Variants in REPS2 observed in about 807,000 individuals in gnomAD.
REPS2 encodes RALBP1 associated Eps domain containing 2.
In REPS2, 23 loss-of-function variants were observed where a neutral mutation model predicts 53.6. The observed-to-expected ratio is 0.43, with a 90% CI of 0.31 to 0.61. The LOEUF (loss-of-function observed/expected upper bound fraction) is 0.61, where lower values mean the gene tolerates loss of function less well. Ranked by LOEUF, REPS2 falls within the 20% of genes least tolerant of loss-of-function variation. The probability of loss-of-function intolerance (pLI) is 0.11; values close to 1 mark genes in which losing one functional copy is unlikely to be tolerated. For synonymous variants in REPS2, 238 were observed against 218.6 expected, an observed-to-expected ratio of 1.09 and a Z score of -0.78; for missense variants, 446 against 534.9, an observed-to-expected ratio of 0.83 and a Z score of 1.64.
the REPS2 span, among the ~76,000 whole-genome samples, chrX:17,186,702 G>A: frequency 8.9e-6 from 1 of 112,037 alleles, no homozygotes; most frequent in East Asian, 2.8e-4. Flanking sequence ...TGGAAACACA[G>A]AAGCACAGGG....
chrX:17,032,075 C>T (rs1043734792), intron 5 of REPS2, among the ~76,000 whole-genome samples: 3 of 111,679 alleles, frequency 2.7e-5, no homozygotes, highest in Non-Finnish European at 3.8e-5. Flanking sequence ...AGATGAAATA[C>T]TGGCACTGGG....
chrX:17,076,005 T>C (rs2062376224), intron 12 of REPS2, among the ~76,000 whole-genome samples: 1 of 112,029 alleles, frequency 8.9e-6, no homozygotes, highest in African/African-American at 3.3e-5. Context: ...CTGCCTTGCC[T>C]GTCTTGCCAG....
the REPS2 span, among the ~76,000 whole-genome samples, chrX:17,186,644 T>A: frequency 8.9e-6 from 1 of 112,135 alleles, no homozygotes; most frequent in African/African-American, 3.2e-5. Flanking sequence ...TTTTATTTAA[T>A]CCCCACCATA....
intron 6 of REPS2, among the ~76,000 whole-genome samples, chrX:17,050,048 G>T (rs928642835): frequency 1.9e-5 from 2 of 106,237 alleles, no homozygotes; most frequent in African/African-American, 6.9e-5. Flanking sequence ...TCCATTCATG[G>T]TAAGGGACCT....
intron 14 of REPS2, 47 bp from the exon 15 acceptor site, chrX:17,133,777 T>G (rs900134080): frequency 9.7e-7 from 1 of 1,026,241 alleles, no homozygotes; most frequent in Non-Finnish European, 1.4e-6. Context: ...TATATTTAGG[T>G]GATTGTGGTT....
chrX:17,101,771 T>A (rs2062806397), intron 13 of REPS2, among the ~76,000 whole-genome samples: 1 of 111,811 alleles, frequency 8.9e-6, no homozygotes, highest in Non-Finnish European at 1.9e-5. Flanking sequence ...GGGGTCACTG[T>A]CTTTTGTTGC....
rs747801585 is a variant in REPS2, at chrX:17,108,969, T to TA, written c.1578+5206dup. On this transcript the variant is annotated intron_variant, in intron 14 of 17. Coordinates refer to ENST00000357277, the MANE Select transcript of REPS2 (RefSeq NM_004726.3). ...AAGATACAGAGCTTTACTGCAGATT[T>TA]AAAAAAAAAAAAAAAACCCAAATGC... 4.7e-3 allele frequency among the ~76,000 whole-genome samples: 438 copies of TA among 92,938 alleles called. 3 individuals carry two copies. The highest frequency in any genetic ancestry group is 8.0e-3 in the African/African-American group (203 of 25,468). 80.7% of individuals were successfully genotyped at this position (92,938 alleles called of 115,157 possible). A position where few individuals can be genotyped will look rare whatever the true frequency, so the allele number is the denominator to read the frequency against.
At chrX:17,096,796 G>A (rs887870286) in intron 13 of REPS2, among the ~76,000 whole-genome samples, 2 of 110,260 alleles carry the variant, frequency 1.8e-5, no homozygotes, top group Non-Finnish European at 3.8e-5. Context: ...ACATAAACTC[G>A]AAGACTGGAT....
intron 1 of REPS2, among the ~76,000 whole-genome samples, chrX:16,947,932 C>T (rs1180409805): frequency 8.9e-6 from 1 of 112,012 alleles, no homozygotes; most frequent in African/African-American, 3.2e-5. Context: ...ACATACCAGA[C>T]GCTGTTTTTG....
At chrX:17,010,344 G>GT (rs35054038) in intron 2 of REPS2, among the ~76,000 whole-genome samples, 1 of 112,067 alleles carries the variant, frequency 8.9e-6, no homozygotes, top group Admixed American at 9.5e-5. Context: ...TTAGCTAACA[G>GT]TTTTTTCCAA....
At chrX:17,133,950 C>A (rs769122722) in intron 15 of REPS2, 43 bp downstream of exon 15, 6 of 977,394 alleles carry the variant, frequency 6.1e-6, no homozygotes, top group Non-Finnish European at 8.8e-6. Flanking sequence ...GTTGCGAGTC[C>A]CACCCCGGGC....
intron 1 of REPS2, among the ~76,000 whole-genome samples, chrX:16,949,556 C>T (rs915278159): frequency 4.5e-5 from 5 of 111,441 alleles, no homozygotes; most frequent in East Asian, 2.8e-4. Flanking sequence ...TACAGGCGCA[C>T]GCCACCTCTC....
At chrX:17,098,277 C>T (rs1207878626) in intron 13 of REPS2, among the ~76,000 whole-genome samples, 1 of 111,839 alleles carries the variant, frequency 8.9e-6, no homozygotes, top group Non-Finnish European at 1.9e-5. Flanking sequence ...AAAAATAATA[C>T]CATAATCTCA....
chrX:17,116,276 C>T (rs1272930937), intron 14 of REPS2, among the ~76,000 whole-genome samples: 4 of 110,157 alleles, frequency 3.6e-5, no homozygotes, highest in African/African-American at 1.3e-4. Context: ...TGGGATGATC[C>T]ATGGCTCACT....
At chrX:17,088,883 C>T (rs575254393) in intron 13 of REPS2, among the ~76,000 whole-genome samples, 7 of 111,498 alleles carry the variant, frequency 6.3e-5, no homozygotes, top group African/African-American at 2.3e-4. Flanking sequence ...ACATCCTGCC[C>T]AGAATCTTTC....
the REPS2 span, among the ~76,000 whole-genome samples, chrX:17,159,349 C>G: frequency 3.1e-3 from 341 of 111,768 alleles, no homozygotes; most frequent in Non-Finnish European, 5.1e-3. Flanking sequence ...TGGTTCTAGT[C>G]TCTTTCCTTC....
chrX:17,153,295 G>T (rs2063586257), downstream of REPS2: 1 of 112,260 alleles, frequency 8.9e-6, no homozygotes, highest in Admixed American at 9.5e-5. Context: ...TGGAGTCTTG[G>T]TGTCGATATA....
chrX:17,147,556 ACTT>A lies in REPS2; in HGVS notation c.*76_*78del. On this transcript the variant is annotated 3_prime_UTR_variant, in exon 18 of 18. Transcript: ENST00000357277. ...TCTTTTGAATGTTTTGAACCCAACTACTTGTCATAGATGTTTGACTGTGTCAAA... is the reference window on the plus strand; with the variant it reads ...TCTTTTGAATGTTTTGAACCCAACTAGTCATAGATGTTTGACTGTGTCAAA... The A allele has an allele frequency of 9.7e-6, 8 of 826,417 alleles. No individual in the cohort carries two copies. Among genetic ancestry groups the A allele is most frequent in the Non-Finnish European group, 1.0e-5 (6 of 572,748 alleles). The allele number at this position is 826,417 out of a possible 1,213,427, so 68.1% of individuals were successfully genotyped here.
At chrX:17,146,840 T>A (rs749188055) in intron 17 of REPS2, among the ~76,000 whole-genome samples, 11 of 111,947 alleles carry the variant, frequency 9.8e-5, no homozygotes, top group South Asian at 3.8e-4. Context: ...GGCCCGAAAG[T>A]TTGAATTCCC....
Sources: allele counts gnomAD v4.1 joint callset (sites outside exome capture counted in the v4.1 genomes callset), GRCh38; gene constraint gnomAD v4.1.1; transcripts MANE v1.5; gene names NCBI Gene and HGNC (gene_info 2026-07-23, HGNC 2026-07-21).